GRIA4: variants seen among roughly 807,000 people sequenced by gnomAD.
GRIA4 encodes glutamate ionotropic receptor AMPA type subunit 4.
Under a neutral mutation model 104.0 loss-of-function variants are expected in GRIA4, and 34 were observed. The observed-to-expected ratio is 0.33, with a 90% CI of 0.25 to 0.44. GRIA4 has a LOEUF of 0.44. Ranked by LOEUF, GRIA4 falls within the 20% of genes least tolerant of loss-of-function variation. The probability of loss-of-function intolerance (pLI) is 1.00; values close to 1 mark genes in which losing one functional copy is unlikely to be tolerated. For synonymous variants in GRIA4, 386 were observed against 381.9 expected, an observed-to-expected ratio of 1.01 and a Z score of -0.13; for missense variants, 750 against 1,096.5, an observed-to-expected ratio of 0.68 and a Z score of 4.46.
At chr11:105,930,261 C>T (rs1565349208) in intron 13 of GRIA4, among the ~76,000 whole-genome samples, 1 of 152,028 alleles carries the variant, frequency 6.6e-6, no homozygotes. Context: ...CCCTTGATTC[C>T]CCTTCATCCC....
chr11:105,912,227 T>G (rs1947271922), intron 10 of GRIA4: 2 of 988,098 alleles, frequency 2.0e-6, no homozygotes, highest in South Asian at 9.3e-5. Flanking sequence ...TTTCCAAGGG[T>G]AGATTTTCTA....
chr11:105,621,486 G>C (rs957188465), intron 3 of GRIA4, among the ~76,000 whole-genome samples: 2 of 150,902 alleles, frequency 1.3e-5, no homozygotes, highest in Non-Finnish European at 1.5e-5. Context: ...ATATTTTATA[G>C]CTATATCTTA....
In GRIA4 at chr11:105,964,265, T is replaced by C. The variant is rs567617433; in HGVS notation, c.2295-7649T>C. ...GGAAATGTAGGAGTAGCTAATTATTTAATTAGCATTCAGTAAATGGGCAGT... is the reference window on the plus strand; with the variant it reads ...GGAAATGTAGGAGTAGCTAATTATTCAATTAGCATTCAGTAAATGGGCAGT... On this transcript the variant is annotated intron_variant, in intron 14 of 16. Coordinates refer to ENST00000282499, the MANE Select transcript of GRIA4 (RefSeq NM_000829.4). Among the ~76,000 whole-genome samples the C allele has an allele frequency of 1.4e-4, 21 of 152,318 alleles. No individual in the cohort carries two copies. The East Asian group carries it at 1.7e-3, about 13-fold the overall frequency.
chr11:105,936,826 C>A (rs1948054524), intron 14 of GRIA4, among the ~76,000 whole-genome samples: 1 of 152,180 alleles, frequency 6.6e-6, no homozygotes. Flanking sequence ...TAGCACCTGT[C>A]CTTACAGTAG....
chr11:105,739,734 T>C (rs990162039), intron 3 of GRIA4, among the ~76,000 whole-genome samples: 5 of 152,126 alleles, frequency 3.3e-5, no homozygotes, highest in African/African-American at 1.2e-4. Flanking sequence ...TAACATCAAA[T>C]AATTACAGAA....
chr11:105,621,545 A>G (rs1262803421), intron 3 of GRIA4, among the ~76,000 whole-genome samples: 2 of 151,728 alleles, frequency 1.3e-5, no homozygotes, highest in African/African-American at 4.8e-5. Flanking sequence ...TTGGTATTTA[A>G]GAACTGCTTC....
chr11:105,644,230 C>G (rs1258946089), intron 3 of GRIA4, among the ~76,000 whole-genome samples: 1 of 152,112 alleles, frequency 6.6e-6, no homozygotes, highest in Non-Finnish European at 1.5e-5. Context: ...GCTATGAGGT[C>G]TCATGCCCCT....
At chr11:105,612,182 G>T (rs79868289) in intron 2 of GRIA4, 94 bp from the exon 3 acceptor site, 40,042 of 1,106,952 alleles carry the variant, frequency 0.036, 953 homozygotes, top group Non-Finnish European at 0.041. Flanking sequence ...AATTGTATGT[G>T]CTTGTGAATG....
chr11:105,665,902 A>ACTTG (rs775893370), intron 3 of GRIA4, among the ~76,000 whole-genome samples: 16 of 152,010 alleles, frequency 1.1e-4, no homozygotes, highest in Non-Finnish European at 2.1e-4. Flanking sequence ...AAACATTTAT[A>ACTTG]CTTGCTTGCT....
Position 105,612,430 on chromosome 11 carries a change from C to G in GRIA4, c.243C>G (p.Asn81Lys). 1 of 1,613,606 alleles carries G rather than the reference C, an allele frequency of 6.2e-7. No homozygotes were observed. The highest frequency in any genetic ancestry group is 8.5e-7 in the Non-Finnish European group (1 of 1,179,584). Reference sequence around the variant, plus strand: ...CAGCCAACAGTTTTGCTGTAACAAACGCCTGTAAGTAAAACATAAGCTATG... The same window carrying G: ...CAGCCAACAGTTTTGCTGTAACAAAGGCCTGTAAGTAAAACATAAGCTATG... The part of the protein sequence containing the change: ...IETANSFAVT[N>K]AFCSQYSRGV... Residue 81 changes from asparagine to lysine, a missense_variant, in exon 3 of 17, where the codon AAC becomes AAG. This residue lies in a region of GRIA4 where 410 missense variants were observed against 502.7 expected (regional missense o/e 0.82). Transcript: ENST00000282499.
chr11:105,657,383 A>T (rs965799860), intron 3 of GRIA4, among the ~76,000 whole-genome samples: 10 of 152,138 alleles, frequency 6.6e-5, no homozygotes, highest in Admixed American at 2.6e-4. Flanking sequence ...ATAAAAAATA[A>T]TCATAAAAAA....
chr11:105,882,347 T>A (rs1565312785), intron 5 of GRIA4, among the ~76,000 whole-genome samples: 1 of 152,218 alleles, frequency 6.6e-6, no homozygotes, highest in Non-Finnish European at 1.5e-5. Context: ...TTCAATAGAA[T>A]GATCACAGCC....
intron 3 of GRIA4, among the ~76,000 whole-genome samples, chr11:105,736,484 T>C (rs1310795661): frequency 2.6e-5 from 4 of 152,146 alleles, no homozygotes; most frequent in East Asian, 3.9e-4. Context: ...TATTTTCTTA[T>C]GTAGTACACT....
At chr11:105,752,023 T>C (rs1273305243) in intron 3 of GRIA4, among the ~76,000 whole-genome samples, 1 of 152,218 alleles carries the variant, frequency 6.6e-6, no homozygotes, top group African/African-American at 2.4e-5. Flanking sequence ...TTCTTTATGG[T>C]ACCTCCTTTG....
At chr11:105,909,131 G>A (rs1947143714) in intron 9 of GRIA4, among the ~76,000 whole-genome samples, 1 of 151,954 alleles carries the variant, frequency 6.6e-6, no homozygotes, top group African/African-American at 2.4e-5. Context: ...TTAATAAAAA[G>A]TCTTTTTCTC....
intron 6 of GRIA4, 118 bp downstream of exon 6, chr11:105,887,690 AAC>A (rs1946315411): frequency 3.3e-6 from 2 of 597,464 alleles, no homozygotes; most frequent in Admixed American, 6.5e-5. Context: ...AGCTTTTAAT[AAC>A]ACATGATATT....
At chr11:105,725,711 G>T (rs1306331324) in intron 3 of GRIA4, among the ~76,000 whole-genome samples, 2 of 152,080 alleles carry the variant, frequency 1.3e-5, no homozygotes, top group Non-Finnish European at 2.9e-5. Context: ...ATCTCATTGG[G>T]ACTAATTAGA....
At chr11:105,772,580 G>T (rs774576102) in intron 4 of GRIA4, among the ~76,000 whole-genome samples, 3 of 152,018 alleles carry the variant, frequency 2.0e-5, no homozygotes, top group Non-Finnish European at 2.9e-5. Flanking sequence ...GTCATACTCA[G>T]ATTTTTAACT....
At chr11:105,640,892 T>C (rs1254296065) in intron 3 of GRIA4, among the ~76,000 whole-genome samples, 2 of 152,068 alleles carry the variant, frequency 1.3e-5, no homozygotes, top group Non-Finnish European at 2.9e-5. Context: ...CCTTTGCTTA[T>C]TCTTTGGTTT....
Sources: allele counts gnomAD v4.1 joint callset (sites outside exome capture counted in the v4.1 genomes callset), GRCh38; gene constraint gnomAD v4.1.1; regional missense constraint gnomAD v4.1.1; transcripts MANE v1.5; gene names NCBI Gene and HGNC (gene_info 2026-07-23, HGNC 2026-07-21).